Variants in PPT2 observed in about 807,000 individuals in gnomAD.
PPT2 encodes the protein lysosomal thioesterase PPT2.
PPT2 carries 20 observed loss-of-function variants against 37.3 expected under a neutral mutation model. The observed-to-expected ratio is 0.54, with a 90% CI of 0.38 to 0.78. The LOEUF is 0.78. Among genes scored for constraint, PPT2 ranks in the 30% least tolerant of loss-of-function variants. The probability of loss-of-function intolerance (pLI) is 0.00; values close to 1 mark genes in which losing one functional copy is unlikely to be tolerated. For synonymous variants in PPT2, 135 were observed against 159.1 expected, an observed-to-expected ratio of 0.85 and a Z score of 1.14; for missense variants, 270 against 389.8, an observed-to-expected ratio of 0.69 and a Z score of 2.59.
chr6:32,153,608 G>A (rs760330496), upstream of PPT2: 3 of 1,376,512 alleles, frequency 2.2e-6, no homozygotes, highest in Non-Finnish European at 1.9e-6. The surrounding 1 kb of genome is among the most constrained non-coding windows in gnomAD (Gnocchi z 4.4). Flanking sequence ...GGAGACAAGG[G>A]CACTACACGC....
Position 32,163,266 on chromosome 6 carries a change from G to T in PPT2, c.*316G>T. 2 of 364,744 alleles carry T rather than the reference G, an allele frequency of 5.5e-6. No homozygotes were observed. Among genetic ancestry groups the T allele is most frequent in the Non-Finnish European group, 9.9e-6 (2 of 202,372 alleles). 22.6% of individuals were successfully genotyped at this position (364,744 alleles called of 1,614,324 possible). On this transcript the variant is annotated 3_prime_UTR_variant, in exon 9 of 9. Coordinates refer to ENST00000324816, the MANE Select transcript of PPT2 (RefSeq NM_005155.7). ...TTTTTAACTTGTGGCTGCTTTTGCTGCTGCTGCTCCTCCGTATCTGGCTGT... is the reference window on the plus strand; with the variant it reads ...TTTTTAACTTGTGGCTGCTTTTGCTTCTGCTGCTCCTCCGTATCTGGCTGT...
intron 7 of PPT2, among the ~76,000 whole-genome samples, chr6:32,161,111 CATTT>C (rs1784127857): frequency 1.3e-5 from 2 of 150,794 alleles, no homozygotes; most frequent in Non-Finnish European, 1.5e-5. Flanking sequence ...AATATATATA[CATTT>C]ATTTATATAC....
rs372251854 is a variant in PPT2 at position 32,163,572 on chromosome 6, C to A, written c.*622C>A. ...AGTCCCTATGATCAGTGTTGGAGTA[C>A]CCCCCTGGGAGAGCCTAGTTTCTTT... On this transcript the variant is annotated 3_prime_UTR_variant, in exon 9 of 9. Coordinates refer to ENST00000324816, the MANE Select transcript of PPT2 (RefSeq NM_005155.7). 2.0e-5 allele frequency: 3 copies of A among 153,018 alleles called. No individual in the cohort carries two copies. Among genetic ancestry groups the A allele is most frequent in the South Asian group, 4.1e-4 (2 of 4,836 alleles). 9.5% of individuals were successfully genotyped at this position (153,018 alleles called of 1,614,324 possible). A position where few individuals can be genotyped will look rare whatever the true frequency, so the allele number is the denominator to read the frequency against.
rs759405300 is a variant in PPT2, at chr6:32,162,956, T to C, written c.*6T>C. The C allele has an allele frequency of 7.5e-6, 12 of 1,607,480 alleles. No homozygotes were observed. The highest frequency in any genetic ancestry group is 3.4e-6 in the Non-Finnish European group (4 of 1,177,650). On this transcript the variant is annotated 3_prime_UTR_variant, in exon 9 of 9. Coordinates refer to ENST00000324816, the MANE Select transcript of PPT2 (RefSeq NM_005155.7). This position sits in a 1 kb window ranked among gnomAD's most constrained non-coding sequence, Gnocchi z 5.5. Reference sequence around the variant, plus strand: ...TTGAACCTTGGCTCTCCTGAGGATATATTCAGGGGTCCCCAGGAACTCCTC... The same window carrying C: ...TTGAACCTTGGCTCTCCTGAGGATACATTCAGGGGTCCCCAGGAACTCCTC...
intron 7 of PPT2, 79 bp downstream of exon 7, chr6:32,158,003 TG>T: frequency 1.6e-6 from 2 of 1,256,770 alleles, no homozygotes; most frequent in South Asian, 2.7e-5. Flanking sequence ...ATGCCTAAAC[TG>T]GCCTGCTCCT....
At chr6:32,157,312 C>G (rs1212809724) in intron 5 of PPT2, 3 of 410,082 alleles carry the variant, frequency 7.3e-6, no homozygotes, top group Non-Finnish European at 1.4e-5. Flanking sequence ...CCTCCACCTC[C>G]TGGGTTCAAG....
Position 32,155,911 on chromosome 6 carries a change from G to A in PPT2, c.474G>A (p.Arg158=), listed in dbSNP as rs1561814795. The A allele has an allele frequency of 8.1e-6, 13 of 1,613,910 alleles. No homozygotes were observed. Among genetic ancestry groups the A allele is most frequent in the Non-Finnish European group, 1.1e-5 (13 of 1,180,012 alleles). ...YLKWLFPTSM[R]SNLYRICYSP... ...AGTGGCTGTTCCCCACCTCCATGCG[G>A]TCTAACCTCTATCGGATCTGCTATA... Residue 158 remains arginine (R), a synonymous_variant, in exon 5 of 9, where the codon CGG becomes CGA. Transcript: ENST00000324816. This position sits in a 1 kb window ranked among gnomAD's most constrained non-coding sequence, Gnocchi z 4.3.
chr6:32,161,963 C>T (rs1230700976), intron 7 of PPT2, among the ~76,000 whole-genome samples: 1 of 152,160 alleles, frequency 6.6e-6, no homozygotes, highest in Admixed American at 6.5e-5. Flanking sequence ...GGTGATCCGC[C>T]GGCCTTGGCC....
At position 32,163,158 on chromosome 6, in the gene PPT2, C is replaced by T; in HGVS notation, c.*208C>T. 1 of 596,476 alleles carries T rather than the reference C, an allele frequency of 1.7e-6. No individual in the cohort carries two copies. 36.9% of individuals were successfully genotyped at this position (596,476 alleles called of 1,614,324 possible). A position where few individuals can be genotyped will look rare whatever the true frequency, so the allele number is the denominator to read the frequency against. ...CCATGAATGACAATTCCAGGCCTCCCCTACCTCATGTCCTCTCATTTGGGG... is the reference window on the plus strand; with the variant it reads ...CCATGAATGACAATTCCAGGCCTCCTCTACCTCATGTCCTCTCATTTGGGG... On this transcript the variant is annotated 3_prime_UTR_variant, in exon 9 of 9. Coordinates refer to ENST00000324816, the MANE Select transcript of PPT2 (RefSeq NM_005155.7).
Position 32,156,193 on chromosome 6 carries a change from C to T in PPT2, c.541+215C>T, listed in dbSNP as rs1484471433. On this transcript the variant is annotated intron_variant, in intron 5 of 8. Transcript: ENST00000324816. This position sits in a 1 kb window ranked among gnomAD's most constrained non-coding sequence, Gnocchi z 4.9. ...CCATCTTGGCTCACTGCAACCTCCG[C>T]CTCCCAGGTTCAAGTGATCCTCCTG... is the stretch of plus-strand genomic sequence containing the variant. 2.0e-5 allele frequency among the ~76,000 whole-genome samples: 3 copies of T among 152,002 alleles called. No individual in the cohort carries two copies. Among genetic ancestry groups the T allele is most frequent in the Non-Finnish European group, 4.4e-5 (3 of 67,992 alleles).
rs375540135 is a variant in PPT2, at chr6:32,162,981, C to T, written c.*31C>T. On this transcript the variant is annotated 3_prime_UTR_variant, in exon 9 of 9. Coordinates refer to ENST00000324816, the MANE Select transcript of PPT2 (RefSeq NM_005155.7). This position sits in a 1 kb window ranked among gnomAD's most constrained non-coding sequence, Gnocchi z 5.5. ...TATTCAGGGGTCCCCAGGAACTCCT[C>T]GGTCCAGAGACCAAGTGGTGGCCTT... 4.8e-4 allele frequency: 757 copies of T among 1,593,208 alleles called. 6 individuals carry two copies. In the Middle Eastern group the frequency reaches 9.3e-3, roughly 20 times the overall value.
Position 32,154,155 on chromosome 6 carries a change from C to T in PPT2, c.-258C>T, listed in dbSNP as rs505997. 55,250 of 1,096,040 alleles carry T rather than the reference C, an allele frequency of 0.05. 1,607 individuals carry two copies. Among genetic ancestry groups the T allele is most frequent in the African/African-American group, 0.098 (5,938 of 60,444 alleles). The allele number at this position is 1,096,040 out of a possible 1,614,324, so 67.9% of individuals were successfully genotyped here. A position where few individuals can be genotyped will look rare whatever the true frequency, so the allele number is the denominator to read the frequency against. On this transcript the variant is annotated 5_prime_UTR_variant, in exon 1 of 9. Transcript: ENST00000324816. This position sits in a 1 kb window ranked among gnomAD's most constrained non-coding sequence, Gnocchi z 7.3. ...CCCTCCCATCCGTCATTCCCCTGCG[C>T]TCTCTTTCCTCACCCTTCCCCCCGC...
Position 32,155,297 on chromosome 6 carries a change from G to A in PPT2, c.337+114G>A, listed in dbSNP as rs2127387415. The A allele has an allele frequency of 1.6e-6, 2 of 1,263,618 alleles. No homozygotes were observed. The highest frequency in any genetic ancestry group is 2.2e-6 in the Non-Finnish European group (2 of 904,024). The allele number at this position is 1,263,618 out of a possible 1,614,324, so 78.3% of individuals were successfully genotyped here. A position where few individuals can be genotyped will look rare whatever the true frequency, so the allele number is the denominator to read the frequency against. On this transcript the variant is annotated intron_variant, in intron 3 of 8. Coordinates refer to ENST00000324816, the MANE Select transcript of PPT2 (RefSeq NM_005155.7). This position sits in a 1 kb window ranked among gnomAD's most constrained non-coding sequence, Gnocchi z 4.3. ...ACCACATTGCTCCAGGCACAACCCTGGTACCTGAGCCCTTCCTTTCTGACT... is the reference window on the plus strand; with the variant it reads ...ACCACATTGCTCCAGGCACAACCCTAGTACCTGAGCCCTTCCTTTCTGACT...
chr6:32,154,902 G>A lies in PPT2; in HGVS notation c.183+125G>A, dbSNP rs1033624377. 4 of 1,531,294 alleles carry A rather than the reference G, an allele frequency of 2.6e-6. No homozygotes were observed. Among genetic ancestry groups the A allele is most frequent in the South Asian group, 1.2e-5 (1 of 83,488 alleles). 94.9% of individuals were successfully genotyped at this position (1,531,294 alleles called of 1,614,324 possible). ...TTCCTCAGGGAGCTGGTGCTGGCGTGGGGGAGAGTTGGGGGACGGGATCCC... is the reference window on the plus strand; with the variant it reads ...TTCCTCAGGGAGCTGGTGCTGGCGTAGGGGAGAGTTGGGGGACGGGATCCC... On this transcript the variant is annotated intron_variant, in intron 2 of 8. Coordinates refer to ENST00000324816, the MANE Select transcript of PPT2 (RefSeq NM_005155.7). This position sits in a 1 kb window ranked among gnomAD's most constrained non-coding sequence, Gnocchi z 7.3.
Position 32,154,485 on chromosome 6 carries a change from C to T in PPT2, c.-9+81C>T. On this transcript the variant is annotated intron_variant, in intron 1 of 8. Coordinates refer to ENST00000324816, the MANE Select transcript of PPT2 (RefSeq NM_005155.7). This position sits in a 1 kb window ranked among gnomAD's most constrained non-coding sequence, Gnocchi z 7.3. ...AAGTAGGCTATTTTGTGACACGGAC[C>T]TGGTGTGGGAGCGAGAGGAGGTGGC... 6.6e-7 allele frequency: 1 copy of T among 1,515,098 alleles called. No individual in the cohort carries two copies. The highest frequency in any genetic ancestry group is 8.8e-7 in the Non-Finnish European group (1 of 1,132,388). 93.9% of individuals were successfully genotyped at this position (1,515,098 alleles called of 1,614,324 possible).
chr6:32,155,604 GT>G lies in PPT2; in HGVS notation c.338-83del. ...TGTCTCTGTGTGTGTGTGTGTGTGTGTGTGTGTGTGTGTGGTGGGGGTGGGG... is the reference window on the plus strand; with the variant it reads ...TGTCTCTGTGTGTGTGTGTGTGTGTGGTGTGTGTGTGTGGTGGGGGTGGGG... On this transcript the variant is annotated intron_variant, in intron 3 of 8. Coordinates refer to ENST00000324816, the MANE Select transcript of PPT2 (RefSeq NM_005155.7). This position sits in a 1 kb window ranked among gnomAD's most constrained non-coding sequence, Gnocchi z 4.3. 1.1e-6 allele frequency: 1 copy of G among 872,554 alleles called. No homozygotes were observed. The highest frequency in any genetic ancestry group is 1.9e-6 in the Non-Finnish European group (1 of 522,320). The allele number at this position is 872,554 out of a possible 1,614,324, so 54.1% of individuals were successfully genotyped here.
Position 32,162,976 on chromosome 6 carries a change from C to T in PPT2, c.*26C>T. 6.3e-7 allele frequency: 1 copy of T among 1,596,532 alleles called. No individual in the cohort carries two copies. Among genetic ancestry groups the T allele is most frequent in the East Asian group, 2.2e-5 (1 of 44,784 alleles). ...GGATATATTCAGGGGTCCCCAGGAA[C>T]TCCTCGGTCCAGAGACCAAGTGGTG... On this transcript the variant is annotated 3_prime_UTR_variant, in exon 9 of 9. Coordinates refer to ENST00000324816, the MANE Select transcript of PPT2 (RefSeq NM_005155.7). The surrounding 1 kb of genome is among the most constrained non-coding windows in gnomAD (Gnocchi z 5.5).
In PPT2 at chr6:32,154,192, C is replaced by G; in HGVS notation, c.-221C>G. ...ACCCTTCCCCCCGCCACCGTGGGTT[C>G]CAGACTTGGGATAAGTAAACAGCGG... On this transcript the variant is annotated 5_prime_UTR_variant, in exon 1 of 9. Transcript: ENST00000324816. This position sits in a 1 kb window ranked among gnomAD's most constrained non-coding sequence, Gnocchi z 7.3. The G allele has an allele frequency of 8.9e-7, 1 of 1,120,176 alleles. No individual in the cohort carries two copies. Among genetic ancestry groups the G allele is most frequent in the East Asian group, 5.3e-5 (1 of 19,026 alleles). 69.4% of individuals were successfully genotyped at this position (1,120,176 alleles called of 1,614,324 possible). A position where few individuals can be genotyped will look rare whatever the true frequency, so the allele number is the denominator to read the frequency against.
rs1354533529 is a variant in PPT2, at chr6:32,154,202, G to A, written c.-211G>A. 2.9e-5 allele frequency: 33 copies of A among 1,135,984 alleles called. No homozygotes were observed. The East Asian group carries it at 1.3e-3, about 45-fold the overall frequency. The allele number at this position is 1,135,984 out of a possible 1,614,324, so 70.4% of individuals were successfully genotyped here. On this transcript the variant is annotated 5_prime_UTR_variant, in exon 1 of 9. Coordinates refer to ENST00000324816, the MANE Select transcript of PPT2 (RefSeq NM_005155.7). The surrounding 1 kb of genome is among the most constrained non-coding windows in gnomAD (Gnocchi z 7.3). ...CCGCCACCGTGGGTTCCAGACTTGG[G>A]ATAAGTAAACAGCGGGTGGAGCGAG...
Sources: gnomAD v4.1 joint callset for allele counts (sites outside exome capture counted in the v4.1 genomes callset) on GRCh38, gnomAD v4.1.1 for gene constraint, Gnocchi (gnomAD v3.1) non-coding constraint, MANE v1.5 for transcripts, NCBI Gene and HGNC (gene_info 2026-07-23, HGNC 2026-07-21) for gene names.